The following KAZN variants were observed in gnomAD, a reference collection of about 807,000 sequenced individuals.
KAZN encodes kazrin, periplakin interacting protein.
KAZN carries 40 observed loss-of-function variants against 87.4 expected under a neutral mutation model. The ratio of observed to expected loss-of-function variants is 0.46; its 90% CI spans 0.36 to 0.60. The LOEUF (loss-of-function observed/expected upper bound fraction) is 0.60. Ranked by LOEUF, KAZN falls within the 20% of genes least tolerant of loss-of-function variation. The pLI is 0.00. For missense variants in KAZN, 898 were observed against 1,073.9 expected, an observed-to-expected ratio of 0.84 and a Z score of 2.29; for synonymous variants, 466 against 458.3, an observed-to-expected ratio of 1.02 and a Z score of -0.22.
chr1:14,675,484 CATGCCTGTG>C (rs1253476897), intron 1 of KAZN, among the ~76,000 whole-genome samples: 21 of 152,294 alleles, frequency 1.4e-4, no homozygotes, highest in Middle Eastern at 3.4e-3. Flanking sequence ...CTGGGTCTTT[CATGCCTGTG>C]TCCTCAGTGC....
intron 2 of KAZN, among the ~76,000 whole-genome samples, chr1:14,544,994 A>T (rs1673052418): frequency 6.6e-6 from 1 of 152,110 alleles, no homozygotes; most frequent in South Asian, 2.1e-4. Context: ...TCCATCTCCC[A>T]CACTCGGGTG....
intron 2 of KAZN, among the ~76,000 whole-genome samples, chr1:14,193,745 G>A (rs1646470979): frequency 6.6e-6 from 1 of 150,896 alleles, no homozygotes; most frequent in African/African-American, 2.4e-5. Context: ...AATAAAAATG[G>A]TTGCACTTTG....
chr1:14,800,571 G>A (rs1230563265), intron 1 of KAZN, among the ~76,000 whole-genome samples: 2 of 152,148 alleles, frequency 1.3e-5, no homozygotes, highest in African/African-American at 4.8e-5. Context: ...TGGTGTGGTG[G>A]CACATGCCTG....
chr1:14,288,678 T>G (rs1474710887), intron 2 of KAZN, among the ~76,000 whole-genome samples: 1 of 152,248 alleles, frequency 6.6e-6, no homozygotes, highest in Non-Finnish European at 1.5e-5. Context: ...TCTCTCTATC[T>G]CCTTCAGTTC....
At chr1:14,486,276 T>C (rs185417800) in intron 2 of KAZN, among the ~76,000 whole-genome samples, 1 of 152,150 alleles carries the variant, frequency 6.6e-6, no homozygotes, top group Non-Finnish European at 1.5e-5. Flanking sequence ...TGGATGAAAG[T>C]TTGAAAGCTC....
intron 1 of KAZN, among the ~76,000 whole-genome samples, chr1:14,896,838 G>T (rs547991225): frequency 2.0e-5 from 3 of 152,240 alleles, no homozygotes; most frequent in East Asian, 1.9e-4. Flanking sequence ...AAAATCAGTT[G>T]CAAAAAGGAA....
chr1:14,240,634 T>C (rs1648852384), intron 2 of KAZN, among the ~76,000 whole-genome samples: 3 of 152,222 alleles, frequency 2.0e-5, no homozygotes, highest in African/African-American at 7.2e-5. Context: ...CTTATCAGCA[T>C]CCACAAGCTC....
chr1:13,945,376 A>G (rs978179745), intron 1 of KAZN, among the ~76,000 whole-genome samples: 3 of 151,828 alleles, frequency 2.0e-5, no homozygotes, highest in African/African-American at 7.3e-5. Context: ...CGGGAAGCTG[A>G]GGCAGGAGAA....
chr1:14,636,934 C>T (rs1417700707), intron 1 of KAZN, among the ~76,000 whole-genome samples: 1 of 152,150 alleles, frequency 6.6e-6, no homozygotes, highest in East Asian at 1.9e-4. Flanking sequence ...AGGGGAAATT[C>T]GACCTGAAGT....
intron 2 of KAZN, among the ~76,000 whole-genome samples, chr1:14,405,487 G>A (rs1663763953): frequency 6.6e-6 from 1 of 152,114 alleles, no homozygotes; most frequent in African/African-American, 2.4e-5. Context: ...GAGGCAATGG[G>A]ATAAACACTC....
intron 2 of KAZN, among the ~76,000 whole-genome samples, chr1:14,966,796 C>T (rs898772377): frequency 2.0e-5 from 3 of 151,986 alleles, no homozygotes; most frequent in Non-Finnish European, 2.9e-5. Context: ...CTCAGCCCTG[C>T]GAGTAGCTGG....
chr1:15,021,702 G>A lies in KAZN; in HGVS notation c.419-13047G>A, dbSNP rs59784247. Among the ~76,000 whole-genome samples, 1,229 of 152,304 alleles carry A rather than the reference G, an allele frequency of 8.1e-3. 15 individuals carry two copies. The highest frequency in any genetic ancestry group is 0.028 in the African/African-American group (1,145 of 41,572). On this transcript the variant is annotated intron_variant, in intron 2 of 14. Coordinates refer to ENST00000376030, the MANE Select transcript of KAZN (RefSeq NM_201628.3). The surrounding 1 kb of genome is among the most constrained non-coding windows in gnomAD (Gnocchi z 4.2). ...ACCCTGAAGCCTGCAGAGGGCCCCTGTGGCTCCCTGCAGTCCCTCTTATGA... is the reference window on the plus strand; with the variant it reads ...ACCCTGAAGCCTGCAGAGGGCCCCTATGGCTCCCTGCAGTCCCTCTTATGA...
chr1:14,813,409 C>T (rs977866444), intron 1 of KAZN, among the ~76,000 whole-genome samples: 3 of 152,136 alleles, frequency 2.0e-5, no homozygotes, highest in Non-Finnish European at 4.4e-5. Flanking sequence ...GGAGAGGTCT[C>T]CATGGAGAGG....
chr1:14,405,640 G>GTT (rs1335589174), intron 2 of KAZN, among the ~76,000 whole-genome samples: 1 of 150,822 alleles, frequency 6.6e-6, no homozygotes, highest in Non-Finnish European at 1.5e-5. Flanking sequence ...GTGTGTGTGT[G>GTT]TGTGTGTTTA....
intron 2 of KAZN, among the ~76,000 whole-genome samples, chr1:14,311,297 C>T (rs74435212): frequency 0.037 from 5,560 of 152,248 alleles, 313 homozygotes; most frequent in East Asian, 0.22. Flanking sequence ...TATGTCTTGG[C>T]TTCCTTACCT....
At chr1:14,607,682 C>T (rs1342447954) in intron 1 of KAZN, among the ~76,000 whole-genome samples, 13 of 152,186 alleles carry the variant, frequency 8.5e-5, no homozygotes, top group Admixed American at 8.5e-4. Flanking sequence ...AATCTCTTCT[C>T]TCTGCCTCAC....
intron 2 of KAZN, among the ~76,000 whole-genome samples, chr1:14,335,760 C>CAGAGAG (rs34561318): frequency 6.0e-5 from 9 of 149,302 alleles, no homozygotes; most frequent in Non-Finnish European, 6.0e-5. Flanking sequence ...CACACACACA[C>CAGAGAG]AGAGAGAGAG....
intron 1 of KAZN, among the ~76,000 whole-genome samples, chr1:13,957,989 AC>A (rs1641608025): frequency 6.6e-6 from 1 of 152,214 alleles, no homozygotes; most frequent in Non-Finnish European, 1.5e-5. Context: ...TCAGTGCTGG[AC>A]ATTCAAGGAT....
chr1:14,771,077 G>A lies in KAZN; in HGVS notation c.226+171854G>A, dbSNP rs116277615. ...CTTCCCGCCATCCCCAGTGTGGGAG[G>A]AGGGTGCGGGGTGAGCAGGAATCCC... is the stretch of plus-strand genomic sequence containing the variant. On this transcript the variant is annotated intron_variant, in intron 1 of 14. Transcript: ENST00000376030. 6.4e-3 allele frequency among the ~76,000 whole-genome samples: 975 copies of A among 152,278 alleles called. 10 individuals are homozygous for A. Among genetic ancestry groups the A allele is most frequent in the African/African-American group, 0.022 (904 of 41,540 alleles).
Sources: allele counts gnomAD v4.1 joint callset (sites outside exome capture counted in the v4.1 genomes callset), GRCh38; gene constraint gnomAD v4.1.1; non-coding constraint Gnocchi (gnomAD v3.1); transcripts MANE v1.5; gene names NCBI Gene and HGNC (gene_info 2026-07-23, HGNC 2026-07-21).